The following PCDHGA5 variants were observed in gnomAD, a reference collection of about 807,000 sequenced individuals.
PCDHGA5 encodes the protein protocadherin gamma subfamily A, 5.
In PCDHGA5, 36 loss-of-function variants were observed where a neutral mutation model predicts 56.7. The observed-to-expected ratio is 0.64, with a 90% CI of 0.49 to 0.84. The LOEUF (loss-of-function observed/expected upper bound fraction) is 0.84. Among genes scored for constraint, PCDHGA5 ranks in the 40% least tolerant of loss-of-function variants. The pLI is 0.00. For missense variants in PCDHGA5, 1,305 were observed against 1,201.5 expected (o/e 1.09, Z -1.27); for synonymous variants, 563 against 520.2 (o/e 1.08, Z -1.12).
intron 1 of PCDHGA5, chr5:141,395,381 A>G (rs562557513): frequency 2.0e-4 from 223 of 1,094,768 alleles, no homozygotes; most frequent in African/African-American, 1.2e-3. Context: ...TGGTGTTACT[A>G]TAAAATTGAA....
chr5:141,431,424 G>T lies in PCDHGA5; in HGVS notation c.2422-63383G>T, dbSNP rs747132868. 6.8e-6 allele frequency: 11 copies of T among 1,613,676 alleles called. No homozygotes were observed. The highest frequency in any genetic ancestry group is 5.9e-6 in the Non-Finnish European group (7 of 1,180,028). On this transcript the variant is annotated intron_variant, in intron 1 of 3. Coordinates refer to ENST00000518069, the MANE Select transcript of PCDHGA5 (RefSeq NM_018918.3). The surrounding 1 kb of genome is among the most constrained non-coding windows in gnomAD (Gnocchi z 4.8). ...GCCTCCGACGGGGGCGACCCGGTGC[G>T]CACAGGCACCGCGCGCATCCGCGTG...
At chr5:141,372,049 T>TG in intron 1 of PCDHGA5, 1 of 1,613,484 alleles carries the variant, frequency 6.2e-7, no homozygotes, top group Non-Finnish European at 8.5e-7. Context: ...CGCGTGTTGG[T>TG]GGACGACCGC....
rs754299511 is a variant in PCDHGA5 at position 141,476,353 on chromosome 5, G to A, written c.2422-18454G>A. 4 of 1,614,202 alleles carry A rather than the reference G, an allele frequency of 2.5e-6. No individual in the cohort carries two copies. Among genetic ancestry groups the A allele is most frequent in the South Asian group, 1.1e-5 (1 of 91,082 alleles). On this transcript the variant is annotated intron_variant, in intron 1 of 3. Coordinates refer to ENST00000518069, the MANE Select transcript of PCDHGA5 (RefSeq NM_018918.3). The surrounding 1 kb of genome is among the most constrained non-coding windows in gnomAD (Gnocchi z 7.6). The stretch of plus-strand genomic sequence containing the variant: ...GAGCTAGCCGAAGATTCTTTGAGGT[G>A]AACCGGGAGACCGGAGAGATGTTTG...
In PCDHGA5 at chr5:141,399,219, G is replaced by A. The variant is rs775267424; in HGVS notation, c.2421+32468G>A. The A allele has an allele frequency of 2.5e-6, 4 of 1,613,924 alleles. No homozygotes were observed. The South Asian group carries it at 3.3e-5, about 13-fold the overall frequency. On this transcript the variant is annotated intron_variant, in intron 1 of 3. Coordinates refer to ENST00000518069, the MANE Select transcript of PCDHGA5 (RefSeq NM_018918.3). Reference sequence around the variant, plus strand: ...CGGTGCCTGGAACACTAATTGCTTTGATCAAAATACATGACCAAGATTCTG... The same window carrying A: ...CGGTGCCTGGAACACTAATTGCTTTAATCAAAATACATGACCAAGATTCTG...
At chr5:141,421,060 A>C (rs1394861719) in intron 1 of PCDHGA5, 3 of 579,718 alleles carry the variant, frequency 5.2e-6, no homozygotes, top group Non-Finnish European at 8.8e-6. Context: ...TACCACACAA[A>C]GCGGAATGAG....
chr5:141,456,942 A>C (rs11737987), intron 1 of PCDHGA5, among the ~76,000 whole-genome samples: 42,405 of 152,066 alleles, frequency 0.28, 6,638 homozygotes, highest in African/African-American at 0.43. Flanking sequence ...CAGCCTGGGC[A>C]ACAGAGCAAA....
chr5:141,376,550 C>T (rs1772814272), intron 1 of PCDHGA5: 2 of 1,611,946 alleles, frequency 1.2e-6, no homozygotes, highest in African/African-American at 1.3e-5. Context: ...ATCTGATCTT[C>T]CCGCAACCCA....
intron 1 of PCDHGA5, chr5:141,374,540 C>G: frequency 6.2e-7 from 1 of 1,613,264 alleles, no homozygotes; most frequent in Non-Finnish European, 8.5e-7. Context: ...CTCTCGTTTT[C>G]CACTAATGGA....
Position 141,438,591 on chromosome 5 carries a change from C to CAT in PCDHGA5, c.2422-56172_2422-56171dup, listed in dbSNP as rs946798767. On this transcript the variant is annotated intron_variant, in intron 1 of 3. Coordinates refer to ENST00000518069, the MANE Select transcript of PCDHGA5 (RefSeq NM_018918.3). ...TCTGATATACATACATACATACATA[C>CAT]ATATATATATATATATATATATATA... Among the ~76,000 whole-genome samples the CAT allele has an allele frequency of 6.3e-3, 476 of 75,268 alleles. 1 individual carries two copies. The highest frequency in any genetic ancestry group is 9.5e-3 in the Non-Finnish European group (352 of 37,106). 49.4% of individuals were successfully genotyped at this position (75,268 alleles called of 152,430 possible). A position where few individuals can be genotyped will look rare whatever the true frequency, so the allele number is the denominator to read the frequency against.
intron 1 of PCDHGA5, among the ~76,000 whole-genome samples, chr5:141,483,644 G>GTGTT (rs919432945): frequency 6.8e-6 from 1 of 146,522 alleles, no homozygotes; most frequent in Non-Finnish European, 1.5e-5. Flanking sequence ...AGAGGGGTGT[G>GTGTT]TGTTTGTGTG....
At chr5:141,421,296 G>C in intron 1 of PCDHGA5, 1 of 1,613,444 alleles carries the variant, frequency 6.2e-7, no homozygotes, top group Non-Finnish European at 8.5e-7. Context: ...TCCTGGGGAC[G>C]CTGCGGGGGT....
chr5:141,458,597 T>C (rs940896214), intron 1 of PCDHGA5, among the ~76,000 whole-genome samples: 18 of 151,988 alleles, frequency 1.2e-4, no homozygotes, highest in Non-Finnish European at 2.4e-4. Context: ...TGGAGACGAG[T>C]CTCACTCTGT....
In PCDHGA5 at chr5:141,476,012, T is replaced by C. The variant is rs2099383969; in HGVS notation, c.2422-18795T>C. The stretch of plus-strand genomic sequence containing the variant: ...CAAATCAACGGCATCCAGAAAGCCA[T>C]GTCGGACTCGGCGCCCAGCGCCCAA... On this transcript the variant is annotated intron_variant, in intron 1 of 3. Coordinates refer to ENST00000518069, the MANE Select transcript of PCDHGA5 (RefSeq NM_018918.3). This position sits in a 1 kb window ranked among gnomAD's most constrained non-coding sequence, Gnocchi z 7.6. 7.6e-7 allele frequency: 1 copy of C among 1,317,178 alleles called. No individual in the cohort carries two copies. The highest frequency in any genetic ancestry group is 1.4e-5 in the South Asian group (1 of 69,696). The allele number at this position is 1,317,178 out of a possible 1,614,324, so 81.6% of individuals were successfully genotyped here. A position where few individuals can be genotyped will look rare whatever the true frequency, so the allele number is the denominator to read the frequency against.
chr5:141,476,535 T>C lies in PCDHGA5; in HGVS notation c.2422-18272T>C. 5 of 1,614,038 alleles carry C rather than the reference T, an allele frequency of 3.1e-6. No individual in the cohort carries two copies. The highest frequency in any genetic ancestry group is 4.2e-6 in the Non-Finnish European group (5 of 1,180,010). On this transcript the variant is annotated intron_variant, in intron 1 of 3. Coordinates refer to ENST00000518069, the MANE Select transcript of PCDHGA5 (RefSeq NM_018918.3). The surrounding 1 kb of genome is among the most constrained non-coding windows in gnomAD (Gnocchi z 7.6). ...AATCCTGCTTTCCCTACCCAGGAAA[T>C]GAAATTGGAGATTAGCGAGGCCGTG...
At chr5:141,374,121 A>G in intron 1 of PCDHGA5, 53 of 1,590,920 alleles carry the variant, frequency 3.3e-5, no homozygotes, top group Non-Finnish European at 4.5e-5. Context: ...CGCAGCGAGC[A>G]GGTCCTGCTC....
chr5:141,473,374 G>A (rs1437989884), intron 1 of PCDHGA5, among the ~76,000 whole-genome samples: 1 of 152,204 alleles, frequency 6.6e-6, no homozygotes, highest in African/African-American at 2.4e-5. Context: ...AAATAGCATG[G>A]TCCCTGCCCT....
intron 2 of PCDHGA5, among the ~76,000 whole-genome samples, chr5:141,502,472 A>G (rs1450967250): frequency 1.3e-5 from 2 of 150,886 alleles, no homozygotes; most frequent in Non-Finnish European, 2.9e-5. Flanking sequence ...TACTTCCCGC[A>G]GCATCACACT....
At chr5:141,414,043 G>A in intron 1 of PCDHGA5, 1 of 1,611,348 alleles carries the variant, frequency 6.2e-7, no homozygotes, top group Non-Finnish European at 8.5e-7. Context: ...AAAATTACCT[G>A]ACACGCAATT....
At chr5:141,457,802 T>C (rs1332412750) in intron 1 of PCDHGA5, among the ~76,000 whole-genome samples, 1 of 152,210 alleles carries the variant, frequency 6.6e-6, no homozygotes, top group Non-Finnish European at 1.5e-5. Context: ...TCCTCTCCTC[T>C]TGAGGTCCCA....
Sources: gnomAD v4.1 joint callset for allele counts (sites outside exome capture counted in the v4.1 genomes callset) on GRCh38, gnomAD v4.1.1 for gene constraint, Gnocchi (gnomAD v3.1) non-coding constraint, MANE v1.5 for transcripts, NCBI Gene and HGNC (gene_info 2026-07-23, HGNC 2026-07-21) for gene names.